Variants in PXDNL observed in about 807,000 individuals in gnomAD.
PXDNL encodes peroxidasin like, also known as probable oxidoreductase PXDNL.
PXDNL carries 145 observed loss-of-function variants against 150.8 expected under a neutral mutation model. The observed-to-expected ratio is 0.96, with a 90% CI of 0.84 to 1.10. The LOEUF is 1.10. Ranked by LOEUF, PXDNL falls within the 50% of genes least tolerant of loss-of-function variation. The probability of loss-of-function intolerance (pLI) is 0.00; values close to 1 mark genes in which losing one functional copy is unlikely to be tolerated. For synonymous variants in PXDNL, 757 were observed against 725.7 expected (o/e 1.04, Z -0.69); for missense variants, 2,087 against 1,873.9 (o/e 1.11, Z -2.10).
At chr8:51,675,077 C>T (rs193158185) in intron 1 of PXDNL, among the ~76,000 whole-genome samples, 153 of 152,310 alleles carry the variant, frequency 1.0e-3, no homozygotes, top group East Asian at 7.7e-4. Flanking sequence ...ACGCACTCTC[C>T]TACTTCTTCA....
chr8:51,349,718 C>T (rs1806276087), intron 19 of PXDNL, among the ~76,000 whole-genome samples: 1 of 152,162 alleles, frequency 6.6e-6, no homozygotes, highest in African/African-American at 2.4e-5. Context: ...TAAACAAGGT[C>T]AAGTTTGGGA....
intron 17 of PXDNL, among the ~76,000 whole-genome samples, chr8:51,382,564 G>A (rs1807581106): frequency 6.6e-6 from 1 of 152,048 alleles, no homozygotes; most frequent in African/African-American, 2.4e-5. Flanking sequence ...TAATTTTAAT[G>A]TATCTTTGAA....
In PXDNL at chr8:51,654,768, C is replaced by G; in HGVS notation, c.165-8G>C. On this transcript the variant is annotated splice_region_variant and splice_polypyrimidine_tract_variant and intron_variant, in intron 1 of 22. Coordinates refer to ENST00000356297, the MANE Select transcript of PXDNL (RefSeq NM_144651.5). ...CTGTTAAACCTCAAGTCTCTGGGAA[C>G]ATAAAAAGGTGAAGAACGATTATAA... 3 of 1,609,836 alleles carry G rather than the reference C, an allele frequency of 1.9e-6. No individual in the cohort carries two copies. The highest frequency in any genetic ancestry group is 2.5e-6 in the Non-Finnish European group (3 of 1,176,578).
intron 2 of PXDNL, among the ~76,000 whole-genome samples, chr8:51,613,746 C>T (rs1814071816): frequency 1.3e-5 from 2 of 152,258 alleles, no homozygotes; most frequent in South Asian, 4.1e-4. Flanking sequence ...CAGCCTCACC[C>T]TCTAAAATGC....
chr8:51,505,230 A>G (rs895808962), intron 4 of PXDNL, among the ~76,000 whole-genome samples: 1 of 152,244 alleles, frequency 6.6e-6, no homozygotes, highest in African/African-American at 2.4e-5. Flanking sequence ...AGAGAGGACA[A>G]AAATCTTCCT....
In PXDNL at chr8:51,399,747, A is replaced by C. The variant is rs183674902; in HGVS notation, c.3557+8320T>G. Among the ~76,000 whole-genome samples the C allele has an allele frequency of 1.6e-3, 245 of 152,380 alleles. 1 individual carries two copies. The highest frequency in any genetic ancestry group is 5.5e-3 in the African/African-American group (228 of 41,598). ...ATGCCACTTTTGATACATGATGTTA[A>C]CTGAAAATTTAGTTTAGTTTAGTCA... On this transcript the variant is annotated intron_variant, in intron 17 of 22. Coordinates refer to ENST00000356297, the MANE Select transcript of PXDNL (RefSeq NM_144651.5).
chr8:51,586,074 G>C (rs1291249635), intron 3 of PXDNL, among the ~76,000 whole-genome samples: 1 of 152,242 alleles, frequency 6.6e-6, no homozygotes, highest in South Asian at 2.1e-4. Flanking sequence ...AGGTGATTAA[G>C]CTGCTTCATC....
At chr8:51,613,332 T>C (rs556457750) in intron 2 of PXDNL, among the ~76,000 whole-genome samples, 18 of 152,100 alleles carry the variant, frequency 1.2e-4, no homozygotes, top group African/African-American at 4.1e-4. Flanking sequence ...TGTAAACACA[T>C]TGATTCAGAT....
chr8:51,339,086 G>T (rs976112935), intron 21 of PXDNL, among the ~76,000 whole-genome samples: 2 of 152,184 alleles, frequency 1.3e-5, no homozygotes, highest in Non-Finnish European at 2.9e-5. Context: ...AGCCCTGAGC[G>T]TTAGGTAGAA....
At chr8:51,366,955 G>T (rs1293920445) in intron 19 of PXDNL, among the ~76,000 whole-genome samples, 1 of 151,798 alleles carries the variant, frequency 6.6e-6, no homozygotes, top group African/African-American at 2.4e-5. Flanking sequence ...ACAAAAATTA[G>T]CTGGGTGTGG....
intron 2 of PXDNL, among the ~76,000 whole-genome samples, chr8:51,616,271 A>G (rs1471398384): frequency 2.0e-5 from 3 of 152,196 alleles, no homozygotes; most frequent in African/African-American, 7.2e-5. Context: ...TTTCTAAAGC[A>G]TCCATATGAG....
At chr8:51,385,410 G>C (rs1462996666) in intron 17 of PXDNL, among the ~76,000 whole-genome samples, 1 of 151,648 alleles carries the variant, frequency 6.6e-6, no homozygotes, top group Non-Finnish European at 1.5e-5. Context: ...AGATTAGTTA[G>C]CATACATTCT....
chr8:51,715,901 A>G (rs1816607848), intron 1 of PXDNL, among the ~76,000 whole-genome samples: 1 of 151,622 alleles, frequency 6.6e-6, no homozygotes. Flanking sequence ...AAAGTTCAAC[A>G]GAAGTTTAAA....
chr8:51,494,732 C>T (rs6651349), intron 5 of PXDNL, among the ~76,000 whole-genome samples: 1 of 151,540 alleles, frequency 6.6e-6, no homozygotes, highest in East Asian at 1.9e-4. Flanking sequence ...AGAGCTAACT[C>T]TCCTAAATAT....
chr8:51,628,519 C>T (rs1479923690), intron 2 of PXDNL, among the ~76,000 whole-genome samples: 1 of 144,528 alleles, frequency 6.9e-6, no homozygotes, highest in Non-Finnish European at 1.5e-5. Flanking sequence ...AATTATCCTG[C>T]CTCAGCCTCC....
At chr8:51,457,952 C>A (rs922424817) in intron 8 of PXDNL, among the ~76,000 whole-genome samples, 1 of 152,090 alleles carries the variant, frequency 6.6e-6, no homozygotes, top group Non-Finnish European at 1.5e-5. Context: ...CTGAAGCAAG[C>A]GCTCCCATAT....
chr8:51,622,913 C>T (rs765756873), intron 2 of PXDNL, among the ~76,000 whole-genome samples: 23 of 152,168 alleles, frequency 1.5e-4, no homozygotes, highest in Admixed American at 3.9e-4. Flanking sequence ...ATGGAACAAA[C>T]GGGGGTGCTA....
chr8:51,751,147 C>T (rs900931861), intron 1 of PXDNL, among the ~76,000 whole-genome samples: 1 of 151,998 alleles, frequency 6.6e-6, no homozygotes, highest in Non-Finnish European at 1.5e-5. Context: ...TGGAAGACTT[C>T]ATCATAGGTC....
intron 4 of PXDNL, among the ~76,000 whole-genome samples, chr8:51,532,596 A>G (rs142807530): frequency 1.3e-5 from 2 of 152,272 alleles, no homozygotes; most frequent in East Asian, 3.9e-4. Flanking sequence ...TTGGTTTTTA[A>G]CTTCTCCTTT....
Sources: allele counts gnomAD v4.1 joint callset (sites outside exome capture counted in the v4.1 genomes callset), GRCh38; gene constraint gnomAD v4.1.1; transcripts MANE v1.5; gene names NCBI Gene and HGNC (gene_info 2026-07-23, HGNC 2026-07-21).